Variants in STK32C observed in about 807,000 individuals in gnomAD.
The protein encoded by STK32C is serine/threonine kinase 32C.
A neutral mutation model predicts 56.5 loss-of-function variants in STK32C; 31 were observed. The ratio of observed to expected loss-of-function variants is 0.55; its 90% CI spans 0.41 to 0.74. STK32C has a LOEUF of 0.74. Among genes scored for constraint, STK32C ranks in the 30% least tolerant of loss-of-function variants. STK32C has a pLI of 0.00. For missense variants in STK32C, 544 were observed against 676.9 expected, an observed-to-expected ratio of 0.80 and a Z score of 2.18; for synonymous variants, 309 against 289.4, an observed-to-expected ratio of 1.07 and a Z score of -0.69.
chr10:132,230,362 A>C (rs926656989), intron 2 of STK32C, among the ~76,000 whole-genome samples: 1 of 152,102 alleles, frequency 6.6e-6, no homozygotes, highest in Non-Finnish European at 1.5e-5. Context: ...TCCCATGCAC[A>C]CGGCCGCAGG....
intron 1 of STK32C, among the ~76,000 whole-genome samples, chr10:132,305,923 A>G (rs922119580): frequency 2.0e-5 from 3 of 152,232 alleles, no homozygotes; most frequent in African/African-American, 7.2e-5. Flanking sequence ...CGGAGCCAGC[A>G]GCATCCGTGG....
intron 1 of STK32C, among the ~76,000 whole-genome samples, chr10:132,305,324 A>T (rs1205141178): frequency 6.6e-6 from 1 of 152,224 alleles, no homozygotes; most frequent in Admixed American, 6.5e-5. Context: ...ATTTAGTCTT[A>T]TATGTCGCAA....
At chr10:132,223,797 T>A (rs1366911078) in intron 8 of STK32C, among the ~76,000 whole-genome samples, 1 of 152,226 alleles carries the variant, frequency 6.6e-6, no homozygotes, top group Non-Finnish European at 1.5e-5. Flanking sequence ...GGCCTGGCTC[T>A]GACTCCGAAC....
At chr10:132,293,459 C>A (rs1044921185) in intron 1 of STK32C, among the ~76,000 whole-genome samples, 1 of 152,264 alleles carries the variant, frequency 6.6e-6, no homozygotes, top group Non-Finnish European at 1.5e-5. Flanking sequence ...CCAAGCCCTC[C>A]CTTGGACTCA....
chr10:132,294,710 A>G (rs1478158551), intron 1 of STK32C, among the ~76,000 whole-genome samples: 1 of 152,062 alleles, frequency 6.6e-6, no homozygotes, highest in Non-Finnish European at 1.5e-5. Context: ...TCAGCCTCTG[A>G]TCCAGGCATG....
chr10:132,331,641 A>C, exon 1 of STK32C: 2 of 1,612,832 alleles, frequency 1.2e-6, no homozygotes, highest in South Asian at 1.1e-5. Flanking sequence ...GACCGCTCCA[A>C]AGGTGGTGCC....
rs570239790 is a variant in STK32C at position 132,277,448 on chromosome 10, G to C, written c.262+30124C>G. Among the ~76,000 whole-genome samples, 4 of 152,338 alleles carry C rather than the reference G, an allele frequency of 2.6e-5. No individual in the cohort carries two copies. The South Asian group carries it at 8.3e-4, about 32-fold the overall frequency. Reference sequence around the variant, plus strand: ...TGCTGCCCTTCCTATCCACTGACCAGTTTCCTTCTCAGGAACCCAGAGAGC... The same window carrying C: ...TGCTGCCCTTCCTATCCACTGACCACTTTCCTTCTCAGGAACCCAGAGAGC... On this transcript the variant is annotated intron_variant, in intron 1 of 11. Coordinates refer to ENST00000298630, the MANE Select transcript of STK32C (RefSeq NM_173575.4).
At chr10:132,309,686 G>C (rs979388887), upstream of STK32C, among the ~76,000 whole-genome samples, 2 of 152,152 alleles carry the variant, frequency 1.3e-5, no homozygotes, top group African/African-American at 2.4e-5. Flanking sequence ...ATCCCAGCAG[G>C]AGTGGTGAAG....
chr10:132,292,691 G>C lies in STK32C; in HGVS notation c.262+14881C>G, dbSNP rs185949401. Among the ~76,000 whole-genome samples, 297 of 152,230 alleles carry C rather than the reference G, an allele frequency of 2.0e-3. 2 individuals carry two copies. Among genetic ancestry groups the C allele is most frequent in the African/African-American group, 7.0e-3 (289 of 41,536 alleles). On this transcript the variant is annotated intron_variant, in intron 1 of 11. Coordinates refer to ENST00000298630, the MANE Select transcript of STK32C (RefSeq NM_173575.4). Reference sequence around the variant, plus strand: ...CCAGGTGCTCTGAGGGGCACCCAACGCAAGACCCCCACCCAAAGCAGGCCC... The same window carrying C: ...CCAGGTGCTCTGAGGGGCACCCAACCCAAGACCCCCACCCAAAGCAGGCCC...
At chr10:132,267,219 G>T (rs2064571487) in intron 1 of STK32C, among the ~76,000 whole-genome samples, 1 of 152,234 alleles carries the variant, frequency 6.6e-6, no homozygotes, top group Non-Finnish European at 1.5e-5. Flanking sequence ...AGCCCAGTGT[G>T]GGGTGCAGGT....
intron 1 of STK32C, among the ~76,000 whole-genome samples, chr10:132,297,988 C>T (rs2065805889): frequency 1.3e-5 from 2 of 152,228 alleles, no homozygotes; most frequent in Non-Finnish European, 2.9e-5. Context: ...GGCAGCAACC[C>T]GGGTACACTG....
intron 1 of STK32C, among the ~76,000 whole-genome samples, chr10:132,267,797 GCATGCA>G (rs2064619575): frequency 4.8e-5 from 6 of 125,862 alleles, no homozygotes; most frequent in East Asian, 2.1e-4. Context: ...ATGCCTGTGT[GCATGCA>G]TGTCCCACAT....
At chr10:132,225,898 G>A in intron 4 of STK32C, 114 bp from the exon 5 acceptor site, 3 of 1,361,498 alleles carry the variant, frequency 2.2e-6, no homozygotes, top group Non-Finnish European at 3.1e-6. Context: ...ACTCGAGGCA[G>A]AGGCCTGGGA....
chr10:132,218,723 A>G (rs1328009117), intron 10 of STK32C, among the ~76,000 whole-genome samples: 1 of 152,218 alleles, frequency 6.6e-6, no homozygotes, highest in African/African-American at 2.4e-5. Flanking sequence ...ATAAAAGTAC[A>G]TATCCACACA....
chr10:132,227,878 C>T lies in STK32C; in HGVS notation c.470+99G>A, dbSNP rs1565081627. 4 of 1,466,122 alleles carry T rather than the reference C, an allele frequency of 2.7e-6. No individual in the cohort carries two copies. The East Asian group carries it at 9.8e-5, about 36-fold the overall frequency. The allele number at this position is 1,466,122 out of a possible 1,614,324, so 90.8% of individuals were successfully genotyped here. A position where few individuals can be genotyped will look rare whatever the true frequency, so the allele number is the denominator to read the frequency against. On this transcript the variant is annotated intron_variant, in intron 3 of 11. Coordinates refer to ENST00000298630, the MANE Select transcript of STK32C (RefSeq NM_173575.4). ...GTGGGTGGCAGAGGCATCTCCGAGG[C>T]ACGAGGGCCAAGGAGCACCAAGGGC...
chr10:132,320,627 G>A (rs951491343), downstream of STK32C, among the ~76,000 whole-genome samples: 1 of 152,160 alleles, frequency 6.6e-6, no homozygotes, highest in Non-Finnish European at 1.5e-5. Flanking sequence ...CATTTGGGGG[G>A]CTAGGTCACC....
chr10:132,223,099 A>C (rs2062742508), intron 8 of STK32C, 113 bp from the exon 9 acceptor site: 2 of 1,362,542 alleles, frequency 1.5e-6, no homozygotes, highest in Non-Finnish European at 2.0e-6. Flanking sequence ...CCTGAGGTTC[A>C]GAATTCAGGA....
intron 1 of STK32C, among the ~76,000 whole-genome samples, chr10:132,318,783 C>G (rs1249119716): frequency 6.6e-6 from 1 of 151,618 alleles, no homozygotes; most frequent in Non-Finnish European, 1.5e-5. Flanking sequence ...CTTCTTCCTG[C>G]CAACTGTTGC....
chr10:132,298,563 C>G (rs1221546340), intron 1 of STK32C, among the ~76,000 whole-genome samples: 2 of 147,634 alleles, frequency 1.4e-5, no homozygotes, highest in African/African-American at 4.9e-5. Context: ...CTGAGATCCT[C>G]GCTGTGGCTT....
Sources: allele counts gnomAD v4.1 joint callset (sites outside exome capture counted in the v4.1 genomes callset), GRCh38; gene constraint gnomAD v4.1.1; transcripts MANE v1.5; gene names NCBI Gene and HGNC (gene_info 2026-07-23, HGNC 2026-07-21).